The following AGBL4 variants were observed in gnomAD, a reference collection of about 807,000 sequenced individuals.
The protein encoded by AGBL4 is cytosolic carboxypeptidase 6.
AGBL4 carries 58 observed loss-of-function variants against 66.4 expected under a neutral mutation model. The ratio of observed to expected loss-of-function variants is 0.87; its 90% confidence interval spans 0.71 to 1.09. AGBL4 has a LOEUF of 1.09. Among genes scored for constraint, AGBL4 ranks in the 50% least tolerant of loss-of-function variants. The pLI, the probability that AGBL4 is intolerant of heterozygous loss-of-function variation, is 0.00. For missense variants in AGBL4, 579 were observed against 631.0 expected (o/e 0.92, Z 0.88); for synonymous variants, 234 against 222.9 (o/e 1.05, Z -0.44).
intron 2 of AGBL4, among the ~76,000 whole-genome samples, chr1:49,706,461 A>G (rs185046869): frequency 6.6e-6 from 1 of 152,036 alleles, no homozygotes; most frequent in East Asian, 1.9e-4. Flanking sequence ...TAGTCTGGCC[A>G]GCGGTCTATC....
intron 1 of AGBL4, among the ~76,000 whole-genome samples, chr1:49,887,071 T>A (rs1166506476): frequency 1.3e-5 from 2 of 151,712 alleles, no homozygotes; most frequent in Admixed American, 1.3e-4. Context: ...ACTTAGGATA[T>A]CCTTCAAGGA....
intron 3 of AGBL4, among the ~76,000 whole-genome samples, chr1:49,289,066 C>T (rs1380922401): frequency 6.6e-6 from 1 of 151,812 alleles, no homozygotes; most frequent in Admixed American, 6.6e-5. Flanking sequence ...GACCATCTGA[C>T]CCACAGGCCA....
intron 6 of AGBL4, among the ~76,000 whole-genome samples, chr1:48,697,424 A>T (rs1318019819): frequency 6.6e-6 from 1 of 152,196 alleles, no homozygotes; most frequent in Non-Finnish European, 1.5e-5. Context: ...CTTAATCTAG[A>T]TAACAATTCT....
intron 4 of AGBL4, among the ~76,000 whole-genome samples, chr1:49,160,488 C>T (rs1233123595): frequency 2.6e-5 from 4 of 152,122 alleles, no homozygotes; most frequent in East Asian, 1.9e-4. Context: ...CTGGGTCGGT[C>T]CCTACTGGGA....
At chr1:49,283,630 A>G (rs1644333481) in intron 3 of AGBL4, among the ~76,000 whole-genome samples, 1 of 152,022 alleles carries the variant, frequency 6.6e-6, no homozygotes, top group Admixed American at 6.6e-5. Flanking sequence ...AAAAAAATTT[A>G]GAAGAATGTA....
At chr1:49,150,372 A>G (rs1240503562) in intron 4 of AGBL4, among the ~76,000 whole-genome samples, 5 of 152,188 alleles carry the variant, frequency 3.3e-5, no homozygotes, top group Non-Finnish European at 5.9e-5. Flanking sequence ...CATTCTCACA[A>G]TATAATATTA....
At chr1:49,772,918 T>A (rs773887674) in intron 2 of AGBL4, among the ~76,000 whole-genome samples, 3 of 152,210 alleles carry the variant, frequency 2.0e-5, no homozygotes, top group Non-Finnish European at 4.4e-5. Context: ...TATTATTTTG[T>A]TAAATAGGTC....
At chr1:49,745,046 A>G (rs1421805705) in intron 2 of AGBL4, among the ~76,000 whole-genome samples, 4 of 152,132 alleles carry the variant, frequency 2.6e-5, no homozygotes, top group African/African-American at 7.2e-5. Context: ...ATGACGAGAT[A>G]TAAATTCTAC....
intron 3 of AGBL4, among the ~76,000 whole-genome samples, chr1:49,409,395 A>G (rs758094001): frequency 2.0e-5 from 3 of 152,174 alleles, no homozygotes; most frequent in Non-Finnish European, 4.4e-5. Flanking sequence ...CACTCAATCT[A>G]AAAGCAAGAG....
chr1:48,712,346 T>C (rs320057), intron 6 of AGBL4, among the ~76,000 whole-genome samples: 123,990 of 152,162 alleles, frequency 0.81, 54,224 homozygotes, highest in East Asian at 0.97. Context: ...GACCTGGCCC[T>C]TTTCTAACCT....
At chr1:48,865,367 G>A (rs1047764769) in intron 6 of AGBL4, among the ~76,000 whole-genome samples, 2 of 152,138 alleles carry the variant, frequency 1.3e-5, no homozygotes, top group Non-Finnish European at 2.9e-5. Flanking sequence ...CTTCAGTTGC[G>A]CTAGGTCCTA....
At chr1:49,879,493 C>A (rs1331842338) in intron 1 of AGBL4, among the ~76,000 whole-genome samples, 1 of 147,984 alleles carries the variant, frequency 6.8e-6, no homozygotes, top group Non-Finnish European at 1.5e-5. Context: ...TTGGCCCCCA[C>A]TCTCTTCTGG....
intron 5 of AGBL4, among the ~76,000 whole-genome samples, chr1:48,980,137 T>C (rs1415786028): frequency 6.6e-6 from 1 of 152,184 alleles, no homozygotes; most frequent in East Asian, 1.9e-4. Flanking sequence ...AAGTGCGGCA[T>C]TGGGCAGCTG....
At chr1:48,661,672 G>A (rs563210372) in intron 7 of AGBL4, among the ~76,000 whole-genome samples, 14 of 152,294 alleles carry the variant, frequency 9.2e-5, no homozygotes, top group Non-Finnish European at 1.3e-4. Context: ...TGCCTCAGTC[G>A]TTACCTGTGA....
intron 3 of AGBL4, among the ~76,000 whole-genome samples, chr1:49,365,907 T>G (rs141050974): frequency 2.6e-5 from 4 of 152,146 alleles, no homozygotes; most frequent in African/African-American, 9.6e-5. Context: ...GTCTGTGAAA[T>G]GAACATGTTA....
intron 6 of AGBL4, among the ~76,000 whole-genome samples, chr1:48,753,931 G>C (rs1277792259): frequency 6.6e-6 from 1 of 152,110 alleles, no homozygotes; most frequent in African/African-American, 2.4e-5. Context: ...CCTCCCTCCT[G>C]CAATTAGAGC....
At chr1:49,453,090 T>A (rs1463038798) in intron 3 of AGBL4, among the ~76,000 whole-genome samples, 1 of 151,894 alleles carries the variant, frequency 6.6e-6, no homozygotes. Context: ...TAAATGTTTA[T>A]GAATGAAAGG....
intron 4 of AGBL4, among the ~76,000 whole-genome samples, chr1:49,090,723 T>A (rs1247784539): frequency 1.3e-5 from 2 of 149,642 alleles, no homozygotes; most frequent in Non-Finnish European, 2.9e-5. Context: ...CTTTGCAGAA[T>A]TAGAAAAAAA....
At chr1:49,877,432 T>C (rs1193219306) in intron 1 of AGBL4, among the ~76,000 whole-genome samples, 1 of 152,000 alleles carries the variant, frequency 6.6e-6, no homozygotes, top group Non-Finnish European at 1.5e-5. Context: ...GGTTTTTGTC[T>C]TTGGTTCTGT....
Sources: allele counts gnomAD v4.1 joint callset (sites outside exome capture counted in the v4.1 genomes callset), GRCh38; gene constraint gnomAD v4.1.1; transcripts MANE v1.5; gene names NCBI Gene and HGNC (gene_info 2026-07-23, HGNC 2026-07-21).